The following FAM227B variants were observed in gnomAD, a reference collection of about 807,000 sequenced individuals.
The protein encoded by FAM227B is protein FAM227B.
Under a neutral mutation model 73.8 loss-of-function variants are expected in FAM227B, and 88 were observed. That is an observed-to-expected ratio of 1.19 (90% confidence interval 1.00 to 1.42). FAM227B has a LOEUF of 1.42. Among genes scored for constraint, FAM227B ranks in the 40% most tolerant of loss-of-function variants. The pLI, the probability that FAM227B is intolerant of heterozygous loss-of-function variation, is 0.00. For synonymous variants in FAM227B, 210 were observed against 190.5 expected, an observed-to-expected ratio of 1.10 and a Z score of -0.84; for missense variants, 632 against 590.9, an observed-to-expected ratio of 1.07 and a Z score of -0.72.
intron 11 of FAM227B, among the ~76,000 whole-genome samples, chr15:49,422,918 T>C (rs1011319981): frequency 1.6e-4 from 24 of 152,194 alleles, no homozygotes; most frequent in African/African-American, 5.5e-4. Context: ...AAAGATTTTC[T>C]AAGTATTAAA....
At chr15:49,595,199 T>C (rs1372851548) in intron 3 of FAM227B, among the ~76,000 whole-genome samples, 1 of 152,026 alleles carries the variant, frequency 6.6e-6, no homozygotes. Context: ...ATTAATTTAA[T>C]TTAATTAATT....
intron 15 of FAM227B, 38 bp downstream of exon 15, chr15:49,331,742 A>C (rs1481785924): frequency 8.0e-7 from 1 of 1,247,508 alleles, no homozygotes; most frequent in Non-Finnish European, 1.2e-6. Flanking sequence ...AAGAAGCTAG[A>C]GAGAGAATTC....
chr15:49,511,936 A>C (rs1392158165), intron 10 of FAM227B, among the ~76,000 whole-genome samples: 2 of 152,146 alleles, frequency 1.3e-5, no homozygotes, highest in Non-Finnish European at 2.9e-5. Context: ...TCTTTGTAAC[A>C]GAATGATTTA....
At chr15:49,577,770 G>A in intron 5 of FAM227B, 106 bp from the exon 6 acceptor site, 10 of 613,108 alleles carry the variant, frequency 1.6e-5, no homozygotes, top group Non-Finnish European at 2.8e-5. Flanking sequence ...ATAGATATAT[G>A]TATATATATC....
chr15:49,360,369 A>C (rs1462225690), intron 13 of FAM227B, among the ~76,000 whole-genome samples: 5 of 152,178 alleles, frequency 3.3e-5, no homozygotes, highest in Admixed American at 3.3e-4. Context: ...AATGTTTAAA[A>C]CTCATGTTAG....
intron 5 of FAM227B, among the ~76,000 whole-genome samples, chr15:49,582,140 T>G (rs2075852717): frequency 6.6e-6 from 1 of 152,142 alleles, no homozygotes; most frequent in South Asian, 2.1e-4. Flanking sequence ...ATACTAACTT[T>G]GAATGTAAAT....
At chr15:49,346,129 G>GATAGATACC (rs2041465786) in intron 13 of FAM227B, among the ~76,000 whole-genome samples, 2 of 151,016 alleles carry the variant, frequency 1.3e-5, no homozygotes, top group South Asian at 2.1e-4. Flanking sequence ...CTGGCTGCTT[G>GATAGATACC]ATAGATACCA....
chr15:49,516,154 G>A (rs141202686), intron 10 of FAM227B, among the ~76,000 whole-genome samples: 94 of 152,144 alleles, frequency 6.2e-4, no homozygotes, highest in Non-Finnish European at 1.0e-3. Flanking sequence ...TTTTTTTATT[G>A]TTATTTTTTA....
chr15:49,361,156 C>A (rs2044158315), intron 13 of FAM227B, among the ~76,000 whole-genome samples: 1 of 152,052 alleles, frequency 6.6e-6, no homozygotes, highest in African/African-American at 2.4e-5. Flanking sequence ...CATAACATCA[C>A]TTTTTACCCC....
chr15:49,601,183 T>C (rs1359678370), intron 3 of FAM227B, among the ~76,000 whole-genome samples: 5 of 149,838 alleles, frequency 3.3e-5, no homozygotes, highest in Admixed American at 6.6e-5. Flanking sequence ...TCCAACCTAA[T>C]AGTAACTTCA....
intron 13 of FAM227B, among the ~76,000 whole-genome samples, chr15:49,336,249 G>C (rs2039694511): frequency 6.6e-6 from 1 of 152,266 alleles, no homozygotes; most frequent in African/African-American, 2.4e-5. Flanking sequence ...GAATGTCCAA[G>C]TATGTTGCTA....
intron 11 of FAM227B, among the ~76,000 whole-genome samples, chr15:49,481,481 G>A (rs2055940234): frequency 6.6e-6 from 1 of 152,218 alleles, no homozygotes; most frequent in Non-Finnish European, 1.5e-5. Flanking sequence ...ATTAAGCCTA[G>A]CATAGAATTG....
At chr15:49,441,114 T>C (rs1203434298) in intron 11 of FAM227B, among the ~76,000 whole-genome samples, 1 of 151,730 alleles carries the variant, frequency 6.6e-6, no homozygotes, top group Non-Finnish European at 1.5e-5. Context: ...AATGTGGGAT[T>C]TGATTGGGTA....
chr15:49,419,799 T>C (rs2049474063), intron 11 of FAM227B, among the ~76,000 whole-genome samples: 1 of 152,124 alleles, frequency 6.6e-6, no homozygotes, highest in African/African-American at 2.4e-5. Context: ...TATTTTTGTA[T>C]AGTACCTCTT....
intron 11 of FAM227B, among the ~76,000 whole-genome samples, chr15:49,441,081 T>G (rs1054504451): frequency 6.6e-6 from 1 of 151,722 alleles, no homozygotes; most frequent in African/African-American, 2.4e-5. Context: ...TTAAAATGAA[T>G]GAGTAAATAA....
At chr15:49,597,857 A>G (rs893914268) in intron 3 of FAM227B, among the ~76,000 whole-genome samples, 7 of 152,164 alleles carry the variant, frequency 4.6e-5, no homozygotes, top group African/African-American at 1.7e-4. Context: ...CACACACATA[A>G]ACTAGAAAAC....
chr15:49,506,800 G>C (rs1205130801), intron 11 of FAM227B, among the ~76,000 whole-genome samples: 1 of 151,886 alleles, frequency 6.6e-6, no homozygotes. Flanking sequence ...CACACTTAAA[G>C]CAGTGCTTAG....
At chr15:49,495,652 T>A (rs1028755017) in intron 11 of FAM227B, among the ~76,000 whole-genome samples, 1 of 152,222 alleles carries the variant, frequency 6.6e-6, no homozygotes, top group Non-Finnish European at 1.5e-5. Flanking sequence ...TGCTATTTTA[T>A]ATCCTACTTC....
At chr15:49,364,566 G>C (rs1322624178) in intron 13 of FAM227B, among the ~76,000 whole-genome samples, 1 of 151,846 alleles carries the variant, frequency 6.6e-6, no homozygotes, top group African/African-American at 2.4e-5. Context: ...CAGTTCTCAA[G>C]TTTATGAAAG....
Sources: allele counts gnomAD v4.1 joint callset (sites outside exome capture counted in the v4.1 genomes callset), GRCh38; gene constraint gnomAD v4.1.1; transcripts MANE v1.5; gene names NCBI Gene and HGNC (gene_info 2026-07-23, HGNC 2026-07-21).